The following STARD4 variants were observed in gnomAD, a reference collection of about 807,000 sequenced individuals.
The protein encoded by STARD4 is StAR related lipid transfer domain containing 4.
Under a neutral mutation model 24.9 loss-of-function variants are expected in STARD4, and 33 were observed. The ratio of observed to expected loss-of-function variants is 1.32; its 90% CI spans 1.00 to 1.77. The LOEUF is 1.77. STARD4 is among the 40% of genes most tolerant of loss of function. The probability of loss-of-function intolerance (pLI) is 0.00; values close to 1 mark genes in which losing one functional copy is unlikely to be tolerated. For missense variants in STARD4, 238 were observed against 249.3 expected (o/e 0.95, Z 0.31); for synonymous variants, 88 against 77.4 (o/e 1.14, Z -0.72).
At chr5:111,500,945 G>A (rs1756393407) in intron 5 of STARD4, 57 bp downstream of exon 5, 1 of 1,611,012 alleles carries the variant, frequency 6.2e-7, no homozygotes, top group Non-Finnish European at 8.5e-7. Context: ...ATCCAGCCAA[G>A]AAAACACAAA....
intron 3 of STARD4, 50 bp downstream of exon 3, chr5:111,506,280 A>G (rs758705998): frequency 9.8e-7 from 1 of 1,016,402 alleles, no homozygotes; most frequent in South Asian, 1.9e-5. Context: ...CAATGGATAT[A>G]AGTTTTGAAA....
chr5:111,506,487 C>G (rs1756874418), intron 2 of STARD4, 108 bp from the exon 3 acceptor site: 1 of 458,732 alleles, frequency 2.2e-6, no homozygotes, highest in African/African-American at 2.0e-5. Flanking sequence ...TAAAATAAAA[C>G]CAGTACATTT....
Position 111,512,512 on chromosome 5 carries a change from AGTCACCGCTG to A in STARD4, c.-147_-138del, listed in dbSNP as rs936146082. The A allele has an allele frequency of 1.3e-5, 2 of 152,692 alleles. No homozygotes were observed. Among genetic ancestry groups the A allele is most frequent in the Non-Finnish European group, 2.9e-5 (2 of 68,436 alleles). 9.5% of individuals were successfully genotyped at this position (152,692 alleles called of 1,614,324 possible). A position where few individuals can be genotyped will look rare whatever the true frequency, so the allele number is the denominator to read the frequency against. ...CGCAGGCGACAGCAGCCAACTTGTAAGTCACCGCTGGTCGCAGCCAACTGGAAGGCACCCA... is the reference window on the plus strand; with the variant it reads ...CGCAGGCGACAGCAGCCAACTTGTAAGTCGCAGCCAACTGGAAGGCACCCA... On this transcript the variant is annotated 5_prime_UTR_variant, in exon 1 of 6. Transcript: ENST00000296632.
chr5:111,511,283 C>G (rs373353083), intron 1 of STARD4, among the ~76,000 whole-genome samples: 1 of 151,784 alleles, frequency 6.6e-6, no homozygotes, highest in African/African-American at 2.4e-5. Flanking sequence ...TGCTCTAATA[C>G]TTGATTAAAA....
intron 3 of STARD4, among the ~76,000 whole-genome samples, chr5:111,505,895 C>T (rs923114421): frequency 7.9e-5 from 12 of 152,084 alleles, no homozygotes; most frequent in Non-Finnish European, 1.6e-4. Context: ...GCCCAATTTG[C>T]TTTCCGGAAA....
chr5:111,512,132 G>A (rs761119599), intron 1 of STARD4: 2 of 152,308 alleles, frequency 1.3e-5, no homozygotes, highest in Admixed American at 1.3e-4. Flanking sequence ...GCGGCGCGCA[G>A]GGGCGAGTTG....
At chr5:111,503,176 A>G (rs1756592456) in intron 3 of STARD4, among the ~76,000 whole-genome samples, 1 of 152,320 alleles carries the variant, frequency 6.6e-6, no homozygotes, top group Admixed American at 6.5e-5. Flanking sequence ...AGAACTTGAC[A>G]TATTTCAAAG....
At chr5:111,509,991 TAAC>T (rs755823335) in intron 1 of STARD4, among the ~76,000 whole-genome samples, 7 of 152,082 alleles carry the variant, frequency 4.6e-5, no homozygotes, top group South Asian at 2.1e-4. Context: ...TTAACAGAAA[TAAC>T]AACAACAAAA....
intron 1 of STARD4, among the ~76,000 whole-genome samples, chr5:111,510,501 C>G (rs1047321193): frequency 6.6e-6 from 1 of 152,188 alleles, no homozygotes; most frequent in Non-Finnish European, 1.5e-5. Context: ...TTATCCAACT[C>G]TAACATTTAC....
Position 111,506,398 on chromosome 5 carries a change from T to C in STARD4, c.106-19A>G, listed in dbSNP as rs764355416. ...CATCTTTCTAGAAAAATAAAAACATTATATGGTAATAATTGCATAGGTGGA... is the reference window on the plus strand; with the variant it reads ...CATCTTTCTAGAAAAATAAAAACATCATATGGTAATAATTGCATAGGTGGA... On this transcript the variant is annotated intron_variant, in intron 2 of 5. Coordinates refer to ENST00000296632, the MANE Select transcript of STARD4 (RefSeq NM_139164.3). 4 of 1,300,430 alleles carry C rather than the reference T, an allele frequency of 3.1e-6. No homozygotes were observed. The highest frequency in any genetic ancestry group is 3.3e-6 in the Non-Finnish European group (3 of 919,606). The allele number at this position is 1,300,430 out of a possible 1,614,324, so 80.6% of individuals were successfully genotyped here.
intron 4 of STARD4, 93 bp downstream of exon 4, chr5:111,501,868 TG>T: frequency 1.3e-6 from 2 of 1,500,646 alleles, no homozygotes; most frequent in East Asian, 4.5e-5. Flanking sequence ...TGAATATAAG[TG>T]TGTACAAATG....
intron 1 of STARD4, among the ~76,000 whole-genome samples, chr5:111,508,196 C>T (rs1180829098): frequency 6.6e-6 from 1 of 152,092 alleles, no homozygotes; most frequent in Non-Finnish European, 1.5e-5. Flanking sequence ...TTATTTTCTT[C>T]ATAGTGCTTA....
At chr5:111,500,918 C>T (rs1756391419) in intron 5 of STARD4, 84 bp downstream of exon 5, 5 of 1,608,750 alleles carry the variant, frequency 3.1e-6, no homozygotes, top group Non-Finnish European at 4.2e-6. Flanking sequence ...GAAAATATAT[C>T]TCACAAGGAA....
intron 1 of STARD4, among the ~76,000 whole-genome samples, chr5:111,509,863 T>C (rs1356476303): frequency 6.6e-6 from 1 of 152,210 alleles, no homozygotes; most frequent in African/African-American, 2.4e-5. Flanking sequence ...ACACCATTTC[T>C]CAAGAAGGAC....
chr5:111,502,191 G>A (rs1031316940), intron 3 of STARD4, 103 bp from the exon 4 acceptor site: 124 of 1,355,366 alleles, frequency 9.1e-5, no homozygotes, highest in Admixed American at 4.1e-4. Context: ...AAATTAGGCC[G>A]GGTAGGGTGG....
intron 3 of STARD4, chr5:111,505,006 A>G: frequency 2.2e-6 from 1 of 455,546 alleles, no homozygotes; most frequent in Non-Finnish European, 4.4e-6. Context: ...TCAACACATC[A>G]GGTCCTACCT....
intron 1 of STARD4, among the ~76,000 whole-genome samples, chr5:111,509,651 G>T (rs928162925): frequency 6.6e-6 from 1 of 152,062 alleles, no homozygotes; most frequent in Admixed American, 6.6e-5. Context: ...AAAATCTTTG[G>T]GGGGTAGGAA....
intron 5 of STARD4, chr5:111,500,603 C>A (rs887332695): frequency 3.6e-6 from 4 of 1,110,356 alleles, no homozygotes; most frequent in Admixed American, 9.7e-5. Context: ...TATTTTTAAT[C>A]TTGAAAAGAA....
Position 111,500,258 on chromosome 5 carries a change from G to T in STARD4, c.398-152C>A. 3.0e-6 allele frequency: 4 copies of T among 1,355,754 alleles called. No homozygotes were observed. In the South Asian group the frequency reaches 8.2e-5, roughly 28 times the overall value. The allele number at this position is 1,355,754 out of a possible 1,614,324, so 84.0% of individuals were successfully genotyped here. A position where few individuals can be genotyped will look rare whatever the true frequency, so the allele number is the denominator to read the frequency against. ...AAAGTGACCATGGCAGAGTGAAAAA[G>T]AGACTTACCAAGGAGAATTCTGACA... On this transcript the variant is annotated intron_variant, in intron 5 of 5. Transcript: ENST00000296632.
Sources: allele counts gnomAD v4.1 joint callset (sites outside exome capture counted in the v4.1 genomes callset), GRCh38; gene constraint gnomAD v4.1.1; transcripts MANE v1.5; gene names NCBI Gene and HGNC (gene_info 2026-07-23, HGNC 2026-07-21).